KCTD20: variants seen among roughly 807,000 people sequenced by gnomAD.
KCTD20 encodes BTB/POZ domain-containing protein KCTD20.
Under a neutral mutation model 39.6 loss-of-function variants are expected in KCTD20, and 30 were observed. That is an observed-to-expected ratio of 0.76 (90% CI 0.57 to 1.03). KCTD20 has a LOEUF of 1.03. KCTD20 is among the 50% of genes least tolerant of loss of function. KCTD20 has a pLI of 0.00. For synonymous variants in KCTD20, 162 were observed against 180.6 expected (o/e 0.90, Z 0.83); for missense variants, 422 against 522.0 (o/e 0.81, Z 1.87).
At chr6:36,475,275 A>G (rs1285191690) in intron 3 of KCTD20, among the ~76,000 whole-genome samples, 1 of 151,934 alleles carries the variant, frequency 6.6e-6, no homozygotes, top group Non-Finnish European at 1.5e-5. Flanking sequence ...GTGAAACCCT[A>G]TCTCTACTAA....
chr6:36,444,719 T>G (rs529189863), intron 1 of KCTD20, among the ~76,000 whole-genome samples: 2 of 152,218 alleles, frequency 1.3e-5, no homozygotes, highest in Non-Finnish European at 2.9e-5. Flanking sequence ...AGCACTGTAG[T>G]AGGCTGTTTT....
intron 1 of KCTD20, chr6:36,443,843 G>A (rs1774951477): frequency 6.6e-6 from 1 of 152,132 alleles, no homozygotes; most frequent in African/African-American, 2.4e-5. Context: ...AGAATCTAGT[G>A]AACAAACTAA....
intron 1 of KCTD20, among the ~76,000 whole-genome samples, chr6:36,444,738 C>T (rs1191209380): frequency 6.6e-6 from 1 of 152,192 alleles, no homozygotes; most frequent in Non-Finnish European, 1.5e-5. Context: ...TTATCAACAG[C>T]ATTGCAATAT....
chr6:36,472,226 GGTTACCTGGTGATTGCCTGTGA>G (rs1272570019), intron 2 of KCTD20, among the ~76,000 whole-genome samples: 2 of 152,148 alleles, frequency 1.3e-5, no homozygotes, highest in Non-Finnish European at 2.9e-5. Flanking sequence ...GTTGCCTGTG[GGTTACCTGGTGATTGCCTGTGA>G]GTTACCTGGA....
At chr6:36,461,735 G>A (rs1775608641) in intron 1 of KCTD20, among the ~76,000 whole-genome samples, 1 of 152,060 alleles carries the variant, frequency 6.6e-6, no homozygotes, top group Admixed American at 6.6e-5. Flanking sequence ...AAGTTATATT[G>A]ACAAAAACGT....
Position 36,489,081 on chromosome 6 carries a change from T to G in KCTD20, c.*1906T>G, listed in dbSNP as rs147178378. On this transcript the variant is annotated 3_prime_UTR_variant, in exon 8 of 8. Coordinates refer to ENST00000373731, the MANE Select transcript of KCTD20 (RefSeq NM_173562.5). The stretch of plus-strand genomic sequence containing the variant: ...ACATTTATACCCACTACCAGTTGAC[T>G]AGCCCAGATAATTGTTAAATGGTGC... 1 of 152,678 alleles carries G rather than the reference T, an allele frequency of 6.5e-6. No homozygotes were observed. Among genetic ancestry groups the G allele is most frequent in the African/African-American group, 2.4e-5 (1 of 41,470 alleles). 9.5% of individuals were successfully genotyped at this position (152,678 alleles called of 1,614,324 possible).
Position 36,487,427 on chromosome 6 carries a change from G to A in KCTD20, c.*252G>A, listed in dbSNP as rs917417446. On this transcript the variant is annotated 3_prime_UTR_variant, in exon 8 of 8. Transcript: ENST00000373731. ...ACTTGAAAAATTTGGGTCTGGTGCT[G>A]TTCATTGAGTCTTTGTGTAACTGCA... 2.7e-5 allele frequency: 13 copies of A among 480,304 alleles called. No individual in the cohort carries two copies. The highest frequency in any genetic ancestry group is 4.4e-5 in the Non-Finnish European group (12 of 269,816). The allele number at this position is 480,304 out of a possible 1,614,324, so 29.8% of individuals were successfully genotyped here. A position where few individuals can be genotyped will look rare whatever the true frequency, so the allele number is the denominator to read the frequency against.
intron 1 of KCTD20, among the ~76,000 whole-genome samples, chr6:36,455,686 A>G (rs1452570057): frequency 2.0e-5 from 3 of 152,176 alleles, no homozygotes; most frequent in Admixed American, 1.3e-4. Context: ...GGGACTAGCT[A>G]GGCAAGTCTG....
At chr6:36,481,900 G>A (rs866143017) in intron 6 of KCTD20, 141 bp downstream of exon 6, 14 of 700,146 alleles carry the variant, frequency 2.0e-5, no homozygotes, top group Middle Eastern at 3.9e-4. Flanking sequence ...CCCTAGTGAC[G>A]CAGGTCTAGC....
chr6:36,487,101 C>T lies in KCTD20; in HGVS notation c.1186C>T (p.Pro396Ser), dbSNP rs759819629. The T allele has an allele frequency of 1.2e-6, 2 of 1,614,044 alleles. No individual in the cohort carries two copies. Among genetic ancestry groups the T allele is most frequent in the Admixed American group, 3.3e-5 (2 of 60,004 alleles). ...GGACCAGGAGATATTAATGCATCAC[C>T]CACCCCAAGTGGATGAACTTGACCG... ...LEDQEILMHH[P>S]PQVDELDRLN... The change falls in exon 8 of 8, where the codon CCA becomes TCA. Residue 396 changes from proline (P) to serine (S), a missense_variant. Transcript: ENST00000373731.
intron 1 of KCTD20, among the ~76,000 whole-genome samples, chr6:36,450,519 G>GTAA (rs1775218345): frequency 6.6e-6 from 1 of 151,878 alleles, no homozygotes; most frequent in African/African-American, 2.4e-5. Flanking sequence ...TATGTGTTGG[G>GTAA]TAATCTGAAT....
chr6:36,477,481 CTT>C (rs760205169), intron 3 of KCTD20, among the ~76,000 whole-genome samples: 66 of 130,916 alleles, frequency 5.0e-4, no homozygotes, highest in African/African-American at 1.2e-3. Flanking sequence ...ATTTTCTTTT[CTT>C]TTTTTTTTTT....
chr6:36,460,301 A>G (rs926586868), intron 1 of KCTD20, among the ~76,000 whole-genome samples: 1 of 145,980 alleles, frequency 6.9e-6, no homozygotes, highest in Non-Finnish European at 1.5e-5. Flanking sequence ...AAGTTACAGC[A>G]GAATTAGATC....
chr6:36,452,931 A>C (rs554626771), intron 1 of KCTD20, among the ~76,000 whole-genome samples: 1 of 151,786 alleles, frequency 6.6e-6, no homozygotes, highest in Non-Finnish European at 1.5e-5. Flanking sequence ...AGTATATTCA[A>C]AGTTGTGCAG....
At chr6:36,452,302 C>G (rs144582121) in intron 1 of KCTD20, among the ~76,000 whole-genome samples, 1,688 of 152,026 alleles carry the variant, frequency 0.011, 34 homozygotes, top group Admixed American at 0.052. Context: ...GCTAGTCAAG[C>G]CATTGGATTC....
chr6:36,475,180 T>C, intron 3 of KCTD20, 118 bp downstream of exon 3: 1 of 1,048,550 alleles, frequency 9.5e-7, no homozygotes, highest in Non-Finnish European at 1.4e-6. Flanking sequence ...GCGCGGTGGC[T>C]CACGTCTGTA....
chr6:36,454,342 T>G (rs1385104935), intron 1 of KCTD20, among the ~76,000 whole-genome samples: 4 of 126,664 alleles, frequency 3.2e-5, no homozygotes, highest in Non-Finnish European at 3.4e-5. Context: ...ATTTACTTTA[T>G]GGCTCTTTTT....
intron 1 of KCTD20, among the ~76,000 whole-genome samples, chr6:36,460,464 C>T (rs1266988665): frequency 6.6e-6 from 1 of 152,144 alleles, no homozygotes; most frequent in Non-Finnish European, 1.5e-5. Context: ...CCATCACACC[C>T]AGCTAATTTT....
At chr6:36,471,850 CTTTT>C (rs550731370) in intron 2 of KCTD20, among the ~76,000 whole-genome samples, 1 of 135,348 alleles carries the variant, frequency 7.4e-6, no homozygotes, top group Admixed American at 7.4e-5. Flanking sequence ...GTATCTATTT[CTTTT>C]TTTTTTTTTT....
Sources: allele counts gnomAD v4.1 joint callset (sites outside exome capture counted in the v4.1 genomes callset), GRCh38; gene constraint gnomAD v4.1.1; transcripts MANE v1.5; gene names NCBI Gene and HGNC (gene_info 2026-07-23, HGNC 2026-07-21).